The following CNTNAP2 variants were observed in gnomAD, a reference collection of about 807,000 sequenced individuals.
CNTNAP2 encodes the protein contactin associated protein 2.
CNTNAP2 carries 98 observed loss-of-function variants against 155.2 expected under a neutral mutation model. The ratio of observed to expected loss-of-function variants is 0.63; its 90% CI spans 0.54 to 0.75. The LOEUF is 0.75. Ranked by LOEUF, CNTNAP2 falls within the 30% of genes least tolerant of loss-of-function variation. The pLI is 0.00. For missense variants in CNTNAP2, 1,727 were observed against 1,688.1 expected, an observed-to-expected ratio of 1.02 and a Z score of -0.40; for synonymous variants, 651 against 631.2, an observed-to-expected ratio of 1.03 and a Z score of -0.47.
intron 9 of CNTNAP2, among the ~76,000 whole-genome samples, chr7:147,360,075 CA>C (rs771982756): frequency 2.0e-5 from 3 of 151,974 alleles, no homozygotes; most frequent in South Asian, 4.2e-4. Context: ...TGTTTCTTTC[CA>C]AAACTCCTAA....
intron 1 of CNTNAP2, among the ~76,000 whole-genome samples, chr7:146,337,992 T>C (rs1801307665): frequency 6.6e-6 from 1 of 152,126 alleles, no homozygotes; most frequent in African/African-American, 2.4e-5. Flanking sequence ...CCAGGTAACA[T>C]TTATTCTGAA....
chr7:146,788,413 G>A (rs900275866), intron 2 of CNTNAP2, among the ~76,000 whole-genome samples: 2 of 152,222 alleles, frequency 1.3e-5, no homozygotes, highest in Non-Finnish European at 2.9e-5. Flanking sequence ...TTATGGTAAG[G>A]TCATATGTTC....
chr7:148,379,247 A>T (rs1340561639), intron 21 of CNTNAP2, among the ~76,000 whole-genome samples: 3 of 151,992 alleles, frequency 2.0e-5, no homozygotes, highest in African/African-American at 7.2e-5. Flanking sequence ...ATAATATCAC[A>T]TCGCCCTCCC....
At chr7:146,321,964 A>G (rs1801010744) in intron 1 of CNTNAP2, among the ~76,000 whole-genome samples, 1 of 151,658 alleles carries the variant, frequency 6.6e-6, no homozygotes, top group South Asian at 2.1e-4. Context: ...TTTTAGATAT[A>G]TCATTTAAAT....
chr7:148,216,754 T>A (rs6975067), intron 18 of CNTNAP2, among the ~76,000 whole-genome samples: 150,273 of 152,338 alleles, frequency 0.99, 74,152 homozygotes, highest in East Asian at 1. Context: ...GTCCCCACCC[T>A]AATTTCAAAT....
intron 3 of CNTNAP2, among the ~76,000 whole-genome samples, chr7:147,016,029 C>A (rs1798717342): frequency 2.0e-5 from 3 of 152,022 alleles, no homozygotes; most frequent in Admixed American, 2.0e-4. Context: ...AAAGTACTTA[C>A]CTAATTTTCA....
chr7:147,485,430 G>A (rs1014540271), intron 10 of CNTNAP2, among the ~76,000 whole-genome samples: 12 of 152,062 alleles, frequency 7.9e-5, no homozygotes, highest in Admixed American at 6.6e-4. Context: ...TAGGTGTTTG[G>A]GAGACTTAGA....
At chr7:147,663,876 T>C (rs937948429) in intron 13 of CNTNAP2, among the ~76,000 whole-genome samples, 1 of 152,192 alleles carries the variant, frequency 6.6e-6, no homozygotes, top group Non-Finnish European at 1.5e-5. Context: ...TGGAATTGGT[T>C]CATTTATTTA....
chr7:146,832,962 C>T (rs1219736560), intron 2 of CNTNAP2, among the ~76,000 whole-genome samples: 1 of 152,076 alleles, frequency 6.6e-6, no homozygotes, highest in African/African-American at 2.4e-5. Flanking sequence ...TCCCAAACTG[C>T]TGGGATTACA....
intron 13 of CNTNAP2, among the ~76,000 whole-genome samples, chr7:147,863,983 T>C (rs1347198401): frequency 1.3e-5 from 2 of 152,182 alleles, no homozygotes; most frequent in African/African-American, 4.8e-5. Flanking sequence ...TTTGGTGTTT[T>C]AGACATGAAG....
At chr7:148,282,100 G>A (rs939545705) in intron 21 of CNTNAP2, among the ~76,000 whole-genome samples, 4 of 152,086 alleles carry the variant, frequency 2.6e-5, no homozygotes, top group Non-Finnish European at 5.9e-5. Flanking sequence ...TGGGATTACA[G>A]TCATAAGCCA....
intron 1 of CNTNAP2, among the ~76,000 whole-genome samples, chr7:146,642,315 C>A (rs1414909572): frequency 2.6e-5 from 3 of 115,254 alleles, no homozygotes; most frequent in Non-Finnish European, 3.4e-5. Flanking sequence ...CCCCTCCCCC[C>A]ACCCCACAAC....
intron 14 of CNTNAP2, among the ~76,000 whole-genome samples, chr7:147,939,459 G>A (rs1454072731): frequency 6.6e-6 from 1 of 152,058 alleles, no homozygotes; most frequent in Non-Finnish European, 1.5e-5. Context: ...CTCCTGAGTA[G>A]CTGGGATTAG....
chr7:147,714,436 T>C (rs868396594), intron 13 of CNTNAP2, among the ~76,000 whole-genome samples: 1 of 104,742 alleles, frequency 9.5e-6, no homozygotes, highest in African/African-American at 2.6e-5. Flanking sequence ...TTTGTTTGTG[T>C]GTTTGTTTTT....
At chr7:146,969,366 T>C (rs1797732335) in intron 3 of CNTNAP2, among the ~76,000 whole-genome samples, 1 of 152,104 alleles carries the variant, frequency 6.6e-6, no homozygotes, top group Non-Finnish European at 1.5e-5. Context: ...TGGGTATCCT[T>C]GTTAACTTTC....
chr7:147,844,774 T>C (rs111387136), intron 13 of CNTNAP2, among the ~76,000 whole-genome samples: 1 of 48,238 alleles, frequency 2.1e-5, no homozygotes, highest in Non-Finnish European at 3.7e-5. Context: ...GTCCCATCAA[T>C]ACCTAATTTA....
At chr7:146,228,587 T>C (rs780162697) in intron 1 of CNTNAP2, among the ~76,000 whole-genome samples, 1 of 152,208 alleles carries the variant, frequency 6.6e-6, no homozygotes, top group Non-Finnish European at 1.5e-5. Context: ...GTAATCTTGC[T>C]AAAAATCCAA....
intron 11 of CNTNAP2, among the ~76,000 whole-genome samples, chr7:147,548,733 A>AT (rs1437443569): frequency 1.3e-5 from 2 of 151,900 alleles, no homozygotes; most frequent in Non-Finnish European, 2.9e-5. Flanking sequence ...GGTTTTTATG[A>AT]TTTTGGGTTT....
chr7:146,406,439 A>G (rs190474622), intron 1 of CNTNAP2, among the ~76,000 whole-genome samples: 4 of 152,346 alleles, frequency 2.6e-5, no homozygotes, highest in African/African-American at 9.6e-5. Flanking sequence ...ATGATGCAAT[A>G]TATTTCTTTC....
Sources: allele counts gnomAD v4.1 joint callset (sites outside exome capture counted in the v4.1 genomes callset), GRCh38; gene constraint gnomAD v4.1.1; transcripts MANE v1.5; gene names NCBI Gene and HGNC (gene_info 2026-07-23, HGNC 2026-07-21).